The following NPAS3 variants were observed in gnomAD, a reference collection of about 807,000 sequenced individuals.
The protein encoded by NPAS3 is neuronal PAS domain-containing protein 3.
Under a neutral mutation model 73.1 loss-of-function variants are expected in NPAS3, and 14 were observed. The ratio of observed to expected loss-of-function variants is 0.19; its 90% CI spans 0.13 to 0.30. The LOEUF is 0.30. NPAS3 is among the 10% of genes least tolerant of loss of function. NPAS3 has a pLI of 1.00. For missense variants in NPAS3, 1,096 were observed against 1,250.0 expected, an observed-to-expected ratio of 0.88 and a Z score of 1.86; for synonymous variants, 620 against 541.5, an observed-to-expected ratio of 1.14 and a Z score of -2.01.
chr14:33,584,982 G>A (rs2056811355), intron 5 of NPAS3, among the ~76,000 whole-genome samples: 1 of 152,142 alleles, frequency 6.6e-6, no homozygotes, highest in Non-Finnish European at 1.5e-5. Flanking sequence ...GTGGGAAGAA[G>A]GAAATGTAAA....
In NPAS3 at chr14:33,753,155, G is replaced by A. The variant is rs2062014284; in HGVS notation, c.852+17823G>A. Among the ~76,000 whole-genome samples the A allele has an allele frequency of 2.0e-5, 3 of 152,066 alleles. No individual in the cohort carries two copies. The South Asian group carries it at 6.2e-4, about 31-fold the overall frequency. Reference sequence around the variant, plus strand: ...ATTCAAAGAGAAAGTGGAAAGCAATGTGAGGTTGGAAAATGGAGCTCTAAA... The same window carrying A: ...ATTCAAAGAGAAAGTGGAAAGCAATATGAGGTTGGAAAATGGAGCTCTAAA... On this transcript the variant is annotated intron_variant, in intron 7 of 11. Transcript: ENST00000356141.
intron 4 of NPAS3, among the ~76,000 whole-genome samples, chr14:33,433,550 G>T (rs762335161): frequency 2.0e-4 from 30 of 152,350 alleles, no homozygotes; most frequent in African/African-American, 7.2e-4. Context: ...CTGCTGGAAT[G>T]TTCTCCATAC....
intron 1 of NPAS3, among the ~76,000 whole-genome samples, chr14:32,982,002 C>T (rs1358467829): frequency 6.6e-6 from 1 of 152,144 alleles, no homozygotes; most frequent in Non-Finnish European, 1.5e-5. Context: ...TGATGAACTC[C>T]TCTCTCAAGA....
At chr14:33,452,774 CAAAAAAAAA>C (rs61640170) in intron 4 of NPAS3, among the ~76,000 whole-genome samples, 2 of 53,838 alleles carry the variant, frequency 3.7e-5, no homozygotes, top group African/African-American at 7.8e-5. Flanking sequence ...GACTCTGTCT[CAAAAAAAAA>C]AAAAAAAAAA....
intron 4 of NPAS3, among the ~76,000 whole-genome samples, chr14:33,532,601 C>G (rs549724948): frequency 1.3e-5 from 2 of 152,106 alleles, no homozygotes; most frequent in Non-Finnish European, 2.9e-5. Context: ...CTCCCTGACT[C>G]TGGAAGTTCT....
intron 7 of NPAS3, among the ~76,000 whole-genome samples, chr14:33,739,323 T>G (rs1196849444): frequency 6.6e-6 from 1 of 152,188 alleles, no homozygotes; most frequent in African/African-American, 2.4e-5. Flanking sequence ...AGCTAGGTAC[T>G]AAACTAAATG....
At chr14:33,302,876 T>C (rs548961370) in intron 3 of NPAS3, among the ~76,000 whole-genome samples, 7 of 152,056 alleles carry the variant, frequency 4.6e-5, no homozygotes, top group Middle Eastern at 3.2e-3. Flanking sequence ...ATGGATGATG[T>C]GGTTGTGCTA....
chr14:33,301,493 A>T (rs1223842808), intron 3 of NPAS3, among the ~76,000 whole-genome samples: 3 of 151,838 alleles, frequency 2.0e-5, no homozygotes, highest in Non-Finnish European at 4.4e-5. Flanking sequence ...TGTTAGACAG[A>T]GTGGGAAGTC....
chr14:33,523,744 C>T (rs1306863384), intron 4 of NPAS3, among the ~76,000 whole-genome samples: 1 of 152,128 alleles, frequency 6.6e-6, no homozygotes. Flanking sequence ...TGTGCCACTG[C>T]ACTCCAGCCT....
intron 2 of NPAS3, among the ~76,000 whole-genome samples, chr14:33,095,304 C>A (rs966777040): frequency 2.6e-5 from 4 of 152,184 alleles, no homozygotes; most frequent in Non-Finnish European, 4.4e-5. Context: ...TGCTGGCAGG[C>A]AGCATGTACT....
At chr14:33,449,174 C>T (rs1426956957) in intron 4 of NPAS3, among the ~76,000 whole-genome samples, 4 of 151,926 alleles carry the variant, frequency 2.6e-5, no homozygotes, top group African/African-American at 9.7e-5. Context: ...CACATTCACC[C>T]GAGTGATAAG....
At chr14:33,203,913 G>C (rs377083437) in intron 2 of NPAS3, among the ~76,000 whole-genome samples, 2 of 152,106 alleles carry the variant, frequency 1.3e-5, no homozygotes, top group Admixed American at 1.3e-4. Flanking sequence ...CTTCCACAAC[G>C]GTTGAACTAG....
At chr14:33,180,758 C>T (rs2139436800) in intron 2 of NPAS3, among the ~76,000 whole-genome samples, 1 of 129,246 alleles carries the variant, frequency 7.7e-6, no homozygotes, top group African/African-American at 2.9e-5. Flanking sequence ...GAGATCGTGC[C>T]ACTGCACTCC....
chr14:32,968,081 A>C (rs947251274), intron 1 of NPAS3, among the ~76,000 whole-genome samples: 3 of 152,088 alleles, frequency 2.0e-5, no homozygotes, highest in African/African-American at 7.2e-5. Context: ...AGAGACAGGG[A>C]GACTAGAGGG....
At chr14:33,684,599 C>T (rs2060035865) in intron 6 of NPAS3, among the ~76,000 whole-genome samples, 1 of 152,178 alleles carries the variant, frequency 6.6e-6, no homozygotes. Context: ...CACCCAGCCT[C>T]TTTGCTCTCA....
Position 33,193,367 on chromosome 14 carries a change from G to T in NPAS3, c.141-21815G>T, listed in dbSNP as rs28612531. 6.8e-3 allele frequency among the ~76,000 whole-genome samples: 1,035 copies of T among 152,258 alleles called. 14 individuals are homozygous for T. Among genetic ancestry groups the T allele is most frequent in the African/African-American group, 0.024 (999 of 41,528 alleles). The stretch of plus-strand genomic sequence containing the variant: ...CAGCCATAGGGGAGTCAATATTGAA[G>T]TGATTATCTTAGAAAGAAGTACTTT... On this transcript the variant is annotated intron_variant, in intron 2 of 11. Coordinates refer to ENST00000356141, the Ensembl canonical transcript of NPAS3.
At chr14:33,751,677 C>A (rs568168140) in intron 7 of NPAS3, among the ~76,000 whole-genome samples, 1 of 152,292 alleles carries the variant, frequency 6.6e-6, no homozygotes, top group East Asian at 1.9e-4. Flanking sequence ...AAACCCCTGA[C>A]CTTTCAAGAT....
At chr14:33,399,208 T>C (rs571360830) in intron 4 of NPAS3, among the ~76,000 whole-genome samples, 2 of 152,264 alleles carry the variant, frequency 1.3e-5, no homozygotes, top group East Asian at 3.9e-4. Context: ...CAGGTGACTC[T>C]TCTCTAAACT....
intron 9 of NPAS3, among the ~76,000 whole-genome samples, chr14:33,784,194 G>A (rs2063070810): frequency 6.6e-6 from 1 of 152,108 alleles, no homozygotes; most frequent in South Asian, 2.1e-4. Flanking sequence ...CTGTGTACTT[G>A]ACTGTATGAG....
Sources: gnomAD v4.1 joint callset for allele counts (sites outside exome capture counted in the v4.1 genomes callset) on GRCh38, gnomAD v4.1.1 for gene constraint, MANE v1.5 for transcripts, NCBI Gene and HGNC (gene_info 2026-07-23, HGNC 2026-07-21) for gene names.